The following ERBB3 variants were observed in gnomAD, a reference collection of about 807,000 sequenced individuals.
ERBB3 encodes receptor tyrosine-protein kinase erbB-3.
A neutral mutation model predicts 156.7 loss-of-function variants in ERBB3; 96 were observed. That is an observed-to-expected ratio of 0.61 (90% confidence interval 0.52 to 0.73). ERBB3 has a LOEUF of 0.73. ERBB3 is among the 30% of genes least tolerant of loss of function. ERBB3 has a pLI of 0.00. For synonymous variants in ERBB3, 567 were observed against 632.0 expected (o/e 0.90, Z 1.54); for missense variants, 1,406 against 1,709.4 (o/e 0.82, Z 3.13).
intron 1 of ERBB3, among the ~76,000 whole-genome samples, chr12:56,082,647 C>A (rs1174611945): frequency 6.6e-6 from 1 of 152,160 alleles, no homozygotes; most frequent in Non-Finnish European, 1.5e-5. Context: ...TACTCCCCAC[C>A]CCACACATGG....
rs764891356 is a variant in ERBB3 at position 56,083,812 on chromosome 12, A to T, written c.144A>T (p.Thr48=). Residue 48 remains threonine, a synonymous_variant, in exon 2 of 28, where the codon ACA becomes ACT. Coordinates refer to ENST00000267101, the MANE Select transcript of ERBB3 (RefSeq NM_001982.4). ...GCGATGCTGAGAACCAATACCAGACACTGTACAAGCTCTACGAGAGGTGTG... is the reference window on the plus strand; with the variant it reads ...GCGATGCTGAGAACCAATACCAGACTCTGTACAAGCTCTACGAGAGGTGTG... ...VTGDAENQYQ[T]LYKLYERCEV... 10 of 1,613,948 alleles carry T rather than the reference A, an allele frequency of 6.2e-6. No individual in the cohort carries two copies. The highest frequency in any genetic ancestry group is 1.6e-4 in the Middle Eastern group (1 of 6,082).
At chr12:56,089,209 C>G in intron 9 of ERBB3, 1 of 454,140 alleles carries the variant, frequency 2.2e-6, no homozygotes, top group Non-Finnish European at 4.4e-6. Context: ...TCTCGACTCA[C>G]TGTAGCCTCG....
chr12:56,080,963 G>C (rs575949471), intron 1 of ERBB3, among the ~76,000 whole-genome samples: 2 of 152,348 alleles, frequency 1.3e-5, no homozygotes, highest in East Asian at 3.9e-4. Flanking sequence ...GGTGACATCA[G>C]GCAGGAGGCC....
At chr12:56,085,371 C>A in intron 3 of ERBB3, 190 bp downstream of exon 3, 1 of 1,455,792 alleles carries the variant, frequency 6.9e-7, no homozygotes, top group Non-Finnish European at 9.1e-7. Context: ...GGGGCATCTG[C>A]TCCAGGGAAA....
rs75668652 is a variant in ERBB3, at chr12:56,091,721, C to T, written c.1110-1026C>T. 7.1e-4 allele frequency among the ~76,000 whole-genome samples: 108 copies of T among 152,218 alleles called. 4 individuals carry two copies. In the East Asian group the frequency reaches 0.012, roughly 17 times the overall value. ...TGATGTTGATTTGTCCCAGCACTCACAATGATGTCTCTGGTCACTTAGTTA... is the reference window on the plus strand; with the variant it reads ...TGATGTTGATTTGTCCCAGCACTCATAATGATGTCTCTGGTCACTTAGTTA... On this transcript the variant is annotated intron_variant, in intron 9 of 27. Coordinates refer to ENST00000267101, the MANE Select transcript of ERBB3 (RefSeq NM_001982.4).
intron 9 of ERBB3, among the ~76,000 whole-genome samples, chr12:56,091,268 A>T (rs1338964717): frequency 4.9e-4 from 6 of 12,166 alleles, no homozygotes; most frequent in East Asian, 3.5e-3. Context: ...GGCTAATTTT[A>T]TATATATATA....
At position 56,096,502 on chromosome 12, in the gene ERBB3, G is replaced by A; in HGVS notation, c.2056-1G>A. The A allele has an allele frequency of 6.2e-7, 1 of 1,613,954 alleles. No homozygotes were observed. Among genetic ancestry groups the A allele is most frequent in the Non-Finnish European group, 8.5e-7 (1 of 1,179,986 alleles). ...GTAACTCCTTCCCATTTGCTCCTCAGAGCATAGAGCCTCTGGACCCCAGTG... is the reference window on the plus strand; with the variant it reads ...GTAACTCCTTCCCATTTGCTCCTCAAAGCATAGAGCCTCTGGACCCCAGTG... On this transcript the variant is annotated splice_acceptor_variant, in intron 17 of 27. Transcript: ENST00000267101. LOFTEE classifies it high-confidence loss of function.
In ERBB3 at chr12:56,088,143, T is replaced by C. The variant is rs1592226780; in HGVS notation, c.855T>C (p.Val285=). The change falls in exon 7 of 28, where the codon GTT becomes GTC. Residue 285 remains valine, a synonymous_variant. Transcript: ENST00000267101. The part of the protein sequence containing the change: ...NPHTKYQYGG[V]CVASCPHNFV... ...ACACCAAGTATCAGTATGGAGGAGTTTGTGTAGCCAGCTGTCCCCGTAAGT... is the reference window on the plus strand; with the variant it reads ...ACACCAAGTATCAGTATGGAGGAGTCTGTGTAGCCAGCTGTCCCCGTAAGT... The C allele has an allele frequency of 6.2e-7, 1 of 1,614,156 alleles. No individual in the cohort carries two copies. Among genetic ancestry groups the C allele is most frequent in the Admixed American group, 1.7e-5 (1 of 60,012 alleles).
At chr12:56,090,127 G>A (rs1868624141) in intron 9 of ERBB3, among the ~76,000 whole-genome samples, 1 of 151,718 alleles carries the variant, frequency 6.6e-6, no homozygotes, top group African/African-American at 2.4e-5. Context: ...AGTCTCCTGA[G>A]TAGCTGGAAT....
rs760246763 is a variant in ERBB3, at chr12:56,094,527, T to G, written c.1830T>G (p.Cys610Trp). The change falls in exon 15 of 28, where the codon TGT (cysteine) becomes TGG (tryptophan). Residue 610 changes from cysteine (C) to tryptophan (W), a missense_variant. Cys to Trp is a radical substitution (Grantham distance 215). This residue lies in a region of ERBB3 where 979 missense variants were observed against 1,219.6 expected (regional missense o/e 0.80). Transcript: ENST00000267101. ...IYKYPDVQNE[C>W]RPCHENCTQG... ...AGTACCCAGATGTTCAGAATGAATG[T>G]CGGCCCTGCCATGAGAACTGCACCC... The G allele has an allele frequency of 6.2e-7, 1 of 1,614,046 alleles. No individual in the cohort carries two copies. The highest frequency in any genetic ancestry group is 2.2e-5 in the East Asian group (1 of 44,880).
rs764254944 is a variant in ERBB3, at chr12:56,101,917, G to T, written c.3891G>T (p.Gly1297=). The change falls in exon 28 of 28, where the codon GGG becomes GGT. Residue 1297 remains glycine, a synonymous_variant. Coordinates refer to ENST00000267101, the MANE Select transcript of ERBB3 (RefSeq NM_001982.4). ...QGYEEMRAFQ[G]PGHQAPHVHY... ...ATGAAGAGATGAGAGCTTTTCAGGG[G>T]CCTGGACATCAGGCCCCCCATGTCC... is the stretch of plus-strand genomic sequence containing the variant. The T allele has an allele frequency of 7.8e-5, 126 of 1,613,138 alleles. No homozygotes were observed. The highest frequency in any genetic ancestry group is 1.0e-4 in the Non-Finnish European group (122 of 1,179,774).
chr12:56,099,770 A>C, intron 24 of ERBB3, 25 bp downstream of exon 24: 1 of 1,613,336 alleles, frequency 6.2e-7, no homozygotes, highest in South Asian at 1.1e-5. Flanking sequence ...GGAGGTGCTA[A>C]GGAAATTTAG....
rs1868548075 is a variant in ERBB3, at chr12:56,088,086, C to G, written c.798C>G (p.Asn266Lys). 6.2e-7 allele frequency: 1 copy of G among 1,614,026 alleles called. No homozygotes were observed. The highest frequency in any genetic ancestry group is 1.7e-5 in the Admixed American group (1 of 60,004). The part of the protein sequence containing the change: ...VPRCPQPLVY[N>K]KLTFQLEPNP... ...GCTGTCCACAGCCTCTTGTCTACAACAAGCTAACTTTCCAGCTGGAACCCA... is the reference window on the plus strand; with the variant it reads ...GCTGTCCACAGCCTCTTGTCTACAAGAAGCTAACTTTCCAGCTGGAACCCA... Residue 266 changes from asparagine (N) to lysine (K), a missense_variant, in exon 7 of 28, where the codon AAC (asparagine) becomes AAG (lysine). Physicochemically the swap from Asn to Lys is moderately conservative, Grantham distance 94. Coordinates refer to ENST00000267101, the MANE Select transcript of ERBB3 (RefSeq NM_001982.4).
Position 56,099,987 on chromosome 12 carries a change from C to T in ERBB3, c.3087C>T (p.Ser1029=), listed in dbSNP as rs145259354. 2.0e-5 allele frequency: 32 copies of T among 1,614,096 alleles called. 1 individual carries two copies. In the African/African-American group the frequency reaches 2.4e-4, roughly 12 times the overall value. ...ACCTGGCAACCACCACACTGGGCTCCGCCCTCAGCCTACCAGTTGGAACAC... is the reference window on the plus strand; with the variant it reads ...ACCTGGCAACCACCACACTGGGCTCTGCCCTCAGCCTACCAGTTGGAACAC... ...EDNLATTTLG[S]ALSLPVGTLN... is the part of the protein sequence containing the mutation. Residue 1029 remains serine, a synonymous_variant, in exon 25 of 28, where the codon TCC becomes TCT. Coordinates refer to ENST00000267101, the MANE Select transcript of ERBB3 (RefSeq NM_001982.4).
intron 4 of ERBB3, 27 bp from the exon 5 acceptor site, chr12:56,087,550 C>T (rs116960611): frequency 4.4e-6 from 7 of 1,601,002 alleles, no homozygotes; most frequent in Non-Finnish European, 6.0e-6. Flanking sequence ...CCTGATGGCC[C>T]CTTGTGTTGC....
At chr12:56,096,250 C>G in intron 17 of ERBB3, 1 of 572,506 alleles carries the variant, frequency 1.7e-6, no homozygotes, top group Non-Finnish European at 3.1e-6. Context: ...CTAGCTGTCC[C>G]CTTCCCCACT....
At position 56,093,585 on chromosome 12, in the gene ERBB3, G is replaced by T. The variant is rs1243222222; in HGVS notation, c.1480+35G>T. 3.1e-6 allele frequency: 5 copies of T among 1,594,164 alleles called. No homozygotes were observed. The highest frequency in any genetic ancestry group is 4.3e-6 in the Non-Finnish European group (5 of 1,169,612). ...AGGGTCTGCTAGGTGGTGAGAATAG[G>T]GAGTCAGGGAGGAGAGGGCTGAAAG... On this transcript the variant is annotated intron_variant, in intron 12 of 27. Transcript: ENST00000267101.
chr12:56,092,880 G>T (rs553151640), intron 10 of ERBB3, 60 bp downstream of exon 10: 41 of 1,560,272 alleles, frequency 2.6e-5, no homozygotes, highest in Non-Finnish European at 3.4e-5. Flanking sequence ...CATAAATTGC[G>T]GTATAACTAC....
Position 56,102,127 on chromosome 12 carries a change from T to C in ERBB3, c.*72T>C. 1 of 1,347,682 alleles carries C rather than the reference T, an allele frequency of 7.4e-7. No homozygotes were observed. The highest frequency in any genetic ancestry group is 1.1e-6 in the Non-Finnish European group (1 of 951,040). The allele number at this position is 1,347,682 out of a possible 1,614,324, so 83.5% of individuals were successfully genotyped here. On this transcript the variant is annotated 3_prime_UTR_variant, in exon 28 of 28. Coordinates refer to ENST00000267101, the MANE Select transcript of ERBB3 (RefSeq NM_001982.4). ...CCTTTAGAGGGTACCGTCTTCTCCCTATTCCCTCTCTCTCCCAGGTCCCAG... is the reference window on the plus strand; with the variant it reads ...CCTTTAGAGGGTACCGTCTTCTCCCCATTCCCTCTCTCTCCCAGGTCCCAG...
Sources: allele counts gnomAD v4.1 joint callset (sites outside exome capture counted in the v4.1 genomes callset), GRCh38; gene constraint gnomAD v4.1.1; regional missense constraint gnomAD v4.1.1; transcripts MANE v1.5; gene names NCBI Gene and HGNC (gene_info 2026-07-23, HGNC 2026-07-21).